The following PPP4R3B variants were observed in gnomAD, a reference collection of about 807,000 sequenced individuals.
The protein encoded by PPP4R3B is serine/threonine-protein phosphatase 4 regulatory subunit 3B.
PPP4R3B carries 52 observed loss-of-function variants against 95.4 expected under a neutral mutation model. The ratio of observed to expected loss-of-function variants is 0.54; its 90% confidence interval spans 0.44 to 0.69. The LOEUF (loss-of-function observed/expected upper bound fraction) is 0.69, where lower values mean the gene tolerates loss of function less well. Among genes scored for constraint, PPP4R3B ranks in the 30% least tolerant of loss-of-function variants. PPP4R3B has a pLI of 0.00. For synonymous variants in PPP4R3B, 407 were observed against 343.9 expected, an observed-to-expected ratio of 1.18 and a Z score of -2.03; for missense variants, 1,003 against 1,005.9, an observed-to-expected ratio of 1.00 and a Z score of 0.04.
At chr2:55,575,305 A>ATT (rs142543923) in intron 11 of PPP4R3B, among the ~76,000 whole-genome samples, 1 of 151,818 alleles carries the variant, frequency 6.6e-6, no homozygotes. Flanking sequence ...ATAAACTTGC[A>ATT]TTTTTTCTTT....
In PPP4R3B at chr2:55,579,725, G is replaced by A. The variant is rs781566182; in HGVS notation, c.1422C>T (p.Leu474=). ...AAGTATTGGTCAAAAGTGGTGCTGT[G>A]AGAACATGCATACAATGGTTGTAGA... ...NFFYNHCMHV[L]TAPLLTNTSE... is the part of the protein sequence containing the mutation. Residue 474 remains leucine (L), a synonymous_variant, in exon 9 of 17, where the codon CTC becomes CTT. Coordinates refer to ENST00000616407, the MANE Select transcript of PPP4R3B (RefSeq NM_001122964.3). The A allele has an allele frequency of 2.9e-5, 46 of 1,607,706 alleles. No homozygotes were observed. Among genetic ancestry groups the A allele is most frequent in the Non-Finnish European group, 3.7e-5 (44 of 1,177,102 alleles).
chr2:55,584,919 C>T (rs1559000651), intron 7 of PPP4R3B, 132 bp downstream of exon 7: 13 of 738,426 alleles, frequency 1.8e-5, no homozygotes, highest in Non-Finnish European at 2.4e-5. Context: ...TGGCCAAAGT[C>T]ACAACAAGTC....
chr2:55,616,902 G>C (rs1293794320), intron 1 of PPP4R3B, among the ~76,000 whole-genome samples: 1 of 152,138 alleles, frequency 6.6e-6, no homozygotes, highest in Non-Finnish European at 1.5e-5. Context: ...TTCAAAAGAG[G>C]AGGGACTGGA....
intron 15 of PPP4R3B, among the ~76,000 whole-genome samples, chr2:55,562,637 CT>C (rs1656691265): frequency 6.6e-6 from 1 of 152,156 alleles, no homozygotes; most frequent in African/African-American, 2.4e-5. Flanking sequence ...TTAGGTAGTT[CT>C]TTTTAACAGT....
chr2:55,577,400 A>G (rs751563461), intron 10 of PPP4R3B, 44 bp from the exon 11 acceptor site: 1 of 1,382,612 alleles, frequency 7.2e-7, no homozygotes, highest in Non-Finnish European at 9.5e-7. Context: ...TTCAGTAATA[A>G]TATCCCAGAT....
rs144427512 is a variant in PPP4R3B, at chr2:55,602,030, G to T, written c.297+1948C>A. On this transcript the variant is annotated intron_variant, in intron 3 of 16. Coordinates refer to ENST00000616407, the MANE Select transcript of PPP4R3B (RefSeq NM_001122964.3). ...AAAAAAATCACTGGACTGACAAAAA[G>T]CTGGATTTTGCTGACTATCAGTTTC... Among the ~76,000 whole-genome samples the T allele has an allele frequency of 3.4e-3, 511 of 152,222 alleles. 3 individuals are homozygous for T. The highest frequency in any genetic ancestry group is 0.01 in the African/African-American group (426 of 41,544).
intron 16 of PPP4R3B, among the ~76,000 whole-genome samples, chr2:55,550,566 C>T (rs368504076): frequency 2.6e-4 from 40 of 152,252 alleles, no homozygotes; most frequent in African/African-American, 9.1e-4. Context: ...TGAGGTAATT[C>T]GTGGTCTTGG....
intron 16 of PPP4R3B, among the ~76,000 whole-genome samples, chr2:55,555,233 T>A (rs530689217): frequency 2.1e-5 from 3 of 144,608 alleles, no homozygotes; most frequent in Non-Finnish European, 3.0e-5. Context: ...TGAGCCAAGA[T>A]TGCGCCACCG....
intron 8 of PPP4R3B, among the ~76,000 whole-genome samples, chr2:55,580,202 C>T (rs1323936705): frequency 1.3e-5 from 2 of 152,104 alleles, no homozygotes; most frequent in East Asian, 3.8e-4. Flanking sequence ...CAACATATTA[C>T]TAACAATGTA....
intron 2 of PPP4R3B, among the ~76,000 whole-genome samples, chr2:55,606,944 T>G (rs191781513): frequency 6.6e-6 from 1 of 152,318 alleles, no homozygotes; most frequent in Non-Finnish European, 1.5e-5. Flanking sequence ...GGTTGACAGT[T>G]TACACTAGCA....
Position 55,595,186 on chromosome 2 carries a change from G to C in PPP4R3B, c.921+3230C>G, listed in dbSNP as rs770052543. Among the ~76,000 whole-genome samples the C allele has an allele frequency of 4.0e-4, 61 of 151,978 alleles. 1 individual carries two copies. The highest frequency in any genetic ancestry group is 1.2e-3 in the East Asian group (6 of 5,096). ...TTACAGGCACGTGCCACTGTGCCTGGCTAATTTTTGTATTTTTAGTAGAGA... is the reference window on the plus strand; with the variant it reads ...TTACAGGCACGTGCCACTGTGCCTGCCTAATTTTTGTATTTTTAGTAGAGA... On this transcript the variant is annotated intron_variant, in intron 4 of 16. Coordinates refer to ENST00000616407, the MANE Select transcript of PPP4R3B (RefSeq NM_001122964.3).
intron 5 of PPP4R3B, among the ~76,000 whole-genome samples, chr2:55,588,526 A>AG (rs1393713420): frequency 1.3e-5 from 2 of 151,804 alleles, no homozygotes; most frequent in African/African-American, 4.8e-5. Context: ...AAAAAAAAAA[A>AG]AAAAAGAAAA....
intron 2 of PPP4R3B, chr2:55,614,239 C>T (rs768614319): frequency 1.3e-5 from 2 of 152,154 alleles, no homozygotes; most frequent in Non-Finnish European, 2.9e-5. Flanking sequence ...TCCAAATTTT[C>T]ATAAACCTTG....
At chr2:55,589,774 G>C (rs1197756795) in intron 4 of PPP4R3B, among the ~76,000 whole-genome samples, 11 of 151,370 alleles carry the variant, frequency 7.3e-5, no homozygotes, top group African/African-American at 2.7e-4. Context: ...AAATTAGCCA[G>C]GCATGGTGGT....
chr2:55,550,814 G>C (rs1428088431), intron 16 of PPP4R3B, among the ~76,000 whole-genome samples: 1 of 152,054 alleles, frequency 6.6e-6, no homozygotes, highest in Admixed American at 6.5e-5. Context: ...TGAGGTATCG[G>C]GTTTTACCAG....
rs1457328626 is a variant in PPP4R3B at position 55,602,792 on chromosome 2, T to TA, written c.297+1185dup. The stretch of plus-strand genomic sequence containing the variant: ...TTTTCCCACTGGTTATTGGAATCTG[T>TA]ATCATTTTGCTATAATAAACTGTAA... On this transcript the variant is annotated intron_variant, in intron 3 of 16. Transcript: ENST00000616407. Among the ~76,000 whole-genome samples the TA allele has an allele frequency of 2.3e-4, 35 of 152,306 alleles. 1 individual carries two copies. Among genetic ancestry groups the TA allele is most frequent in the African/African-American group, 6.5e-4 (27 of 41,552 alleles).
Position 55,581,692 on chromosome 2 carries a change from GAAT to G in PPP4R3B, c.1237_1239del (p.Ile413del). On this transcript the variant is annotated inframe_deletion, in exon 8 of 17. Transcript: ENST00000616407. ...TGTTCAATTACCACATTAATAAGAAGAATATCCTGGTGGCAAAACAAAACAAAA... is the reference window on the plus strand; with the variant it reads ...TGTTCAATTACCACATTAATAAGAAGATCCTGGTGGCAAAACAAAACAAAA... The G allele has an allele frequency of 6.2e-7, 1 of 1,611,334 alleles. No homozygotes were observed. Among genetic ancestry groups the G allele is most frequent in the Non-Finnish European group, 8.5e-7 (1 of 1,179,072 alleles).
intron 4 of PPP4R3B, among the ~76,000 whole-genome samples, chr2:55,595,297 T>C (rs1197510054): frequency 6.6e-6 from 1 of 151,598 alleles, no homozygotes; most frequent in Non-Finnish European, 1.5e-5. Context: ...AGTGCTGGGA[T>C]TACAGGCATG....
At chr2:55,561,830 C>T (rs1415263314) in intron 15 of PPP4R3B, among the ~76,000 whole-genome samples, 1 of 152,314 alleles carries the variant, frequency 6.6e-6, no homozygotes. Context: ...TATAGGATCA[C>T]AGGCAGAAGG....
Sources: gnomAD v4.1 joint callset for allele counts (sites outside exome capture counted in the v4.1 genomes callset) on GRCh38, gnomAD v4.1.1 for gene constraint, MANE v1.5 for transcripts, NCBI Gene and HGNC (gene_info 2026-07-23, HGNC 2026-07-21) for gene names.